ITPR2: variants seen among roughly 807,000 people sequenced by gnomAD.
ITPR2 encodes the protein inositol 1,4,5-trisphosphate receptor type 2.
In ITPR2, 207 loss-of-function variants were observed where a neutral mutation model predicts 317.1. The ratio of observed to expected loss-of-function variants is 0.65; its 90% CI spans 0.58 to 0.73. ITPR2 has a LOEUF of 0.73. Among genes scored for constraint, ITPR2 ranks in the 30% least tolerant of loss-of-function variants. The pLI is 0.00. For synonymous variants in ITPR2, 1,156 were observed against 1,149.1 expected (o/e 1.01, Z -0.12); for missense variants, 2,613 against 3,284.0 (o/e 0.80, Z 4.99).
At chr12:26,340,984 T>C (rs930670193) in intron 55 of ITPR2, among the ~76,000 whole-genome samples, 6 of 152,162 alleles carry the variant, frequency 3.9e-5, no homozygotes, top group Admixed American at 2.0e-4. Flanking sequence ...TGGGTGTATG[T>C]AGGTGTTTTG....
Position 26,654,033 on chromosome 12 carries a change from T to C in ITPR2, c.2683A>G (p.Ile895Val). The C allele has an allele frequency of 6.2e-7, 1 of 1,605,502 alleles. No homozygotes were observed. Among genetic ancestry groups the C allele is most frequent in the Non-Finnish European group, 8.5e-7 (1 of 1,176,050 alleles). ...TATGATGACATGGGGGCCTGTACAATGTCTAAAATAGCCAGAAGTGTTCTT... is the reference window on the plus strand; with the variant it reads ...TATGATGACATGGGGGCCTGTACAACGTCTAAAATAGCCAGAAGTGTTCTT... ...LTRTLLAILD[I>V]VQAPMSSYFE... The change falls in exon 21 of 57, where the codon ATT becomes GTT. Residue 895 changes from isoleucine to valine, a missense_variant. Physicochemically the swap from Ile to Val is conservative, Grantham distance 29. Around this residue, in one of 9 missense-constraint regions of ITPR2, gnomAD observed 817 missense variants for 897.6 expected, o/e 0.91. Coordinates refer to ENST00000381340, the MANE Select transcript of ITPR2 (RefSeq NM_002223.4).
At chr12:26,759,057 T>A (rs1949582658) in intron 2 of ITPR2, among the ~76,000 whole-genome samples, 1 of 152,120 alleles carries the variant, frequency 6.6e-6, no homozygotes, top group Non-Finnish European at 1.5e-5. Context: ...ATATCTCCAG[T>A]GTCTATCACA....
At chr12:26,703,250 T>A (rs756452626) in intron 9 of ITPR2, among the ~76,000 whole-genome samples, 6 of 152,192 alleles carry the variant, frequency 3.9e-5, no homozygotes, top group Non-Finnish European at 4.4e-5. Context: ...ACCATTTCTC[T>A]CAGATGTGCA....
chr12:26,598,588 A>C (rs1411576482), intron 30 of ITPR2, among the ~76,000 whole-genome samples: 3 of 152,250 alleles, frequency 2.0e-5, no homozygotes, highest in Non-Finnish European at 4.4e-5. Context: ...TAAACATGAA[A>C]AAGGCAAATA....
At chr12:26,797,499 T>C (rs1950469247) in intron 1 of ITPR2, among the ~76,000 whole-genome samples, 1 of 152,192 alleles carries the variant, frequency 6.6e-6, no homozygotes, top group African/African-American at 2.4e-5. Flanking sequence ...TTACCACATA[T>C]ATCTGATTCA....
chr12:26,378,823 T>C (rs1035080312), intron 55 of ITPR2, among the ~76,000 whole-genome samples: 2 of 152,244 alleles, frequency 1.3e-5, no homozygotes, highest in African/African-American at 2.4e-5. Context: ...GTAGGAAGTA[T>C]GCAGTTGCCA....
intron 36 of ITPR2, among the ~76,000 whole-genome samples, chr12:26,553,234 G>A (rs548070914): frequency 1.4e-4 from 22 of 152,352 alleles, no homozygotes; most frequent in Middle Eastern, 6.8e-3. Flanking sequence ...CAAGGGAGAA[G>A]TAGGTGTTGA....
intron 40 of ITPR2, 120 bp from the exon 41 acceptor site, chr12:26,486,480 G>T: frequency 1.2e-6 from 1 of 861,044 alleles, no homozygotes; most frequent in African/African-American, 1.7e-5. Flanking sequence ...TCTGACAAAA[G>T]GTGCAACAAT....
chr12:26,452,118 C>T (rs1380031803), intron 45 of ITPR2, among the ~76,000 whole-genome samples: 1 of 152,114 alleles, frequency 6.6e-6, no homozygotes. Flanking sequence ...TCCCCCTGCA[C>T]CCCACCATCT....
intron 2 of ITPR2, among the ~76,000 whole-genome samples, chr12:26,731,295 C>T (rs1186686839): frequency 1.3e-5 from 2 of 152,134 alleles, no homozygotes; most frequent in Admixed American, 6.5e-5. Flanking sequence ...ATTCTCCCTA[C>T]GTGGAGAAAG....
chr12:26,811,680 G>C (rs559549992), intron 1 of ITPR2, among the ~76,000 whole-genome samples: 1 of 119,774 alleles, frequency 8.3e-6, no homozygotes, highest in African/African-American at 3.1e-5. Flanking sequence ...GCGAGACTCT[G>C]TCTCAAAAAA....
intron 52 of ITPR2, among the ~76,000 whole-genome samples, chr12:26,401,650 G>A (rs1022695616): frequency 6.6e-6 from 1 of 152,254 alleles, no homozygotes; most frequent in Admixed American, 6.5e-5. Flanking sequence ...GATAAATTTT[G>A]GGATTATGCA....
At chr12:26,538,740 C>T (rs998791469) in intron 37 of ITPR2, among the ~76,000 whole-genome samples, 1 of 152,004 alleles carries the variant, frequency 6.6e-6, no homozygotes, top group Non-Finnish European at 1.5e-5. Flanking sequence ...CCATGCCAGG[C>T]TAATTTTTGT....
chr12:26,394,337 ACAGT>A (rs1381317273), intron 54 of ITPR2, among the ~76,000 whole-genome samples: 1 of 152,198 alleles, frequency 6.6e-6, no homozygotes. Context: ...AGAAATATGT[ACAGT>A]GCTATATAGC....
Position 26,815,954 on chromosome 12 carries a change from G to A in ITPR2, c.92+16736C>T, listed in dbSNP as rs551000047. Among the ~76,000 whole-genome samples the A allele has an allele frequency of 4.9e-4, 75 of 151,988 alleles. 1 individual carries two copies. Among genetic ancestry groups the A allele is most frequent in the African/African-American group, 1.7e-3 (69 of 41,474 alleles). On this transcript the variant is annotated intron_variant, in intron 1 of 56. Transcript: ENST00000381340. ...TAAAAATACAAAAAATTAGCCGGGC[G>A]TGGTGGCACACGCCTGTAGTCCCAG...
chr12:26,578,588 G>C, intron 34 of ITPR2, 125 bp downstream of exon 34: 1 of 805,726 alleles, frequency 1.2e-6, no homozygotes, highest in Non-Finnish European at 1.9e-6. Flanking sequence ...CTGCTCTTCA[G>C]TTTAACAGAA....
At chr12:26,808,888 A>G (rs1950683166) in intron 1 of ITPR2, among the ~76,000 whole-genome samples, 1 of 152,266 alleles carries the variant, frequency 6.6e-6, no homozygotes, top group South Asian at 2.1e-4. Flanking sequence ...CAGAAATACT[A>G]CACGCCTTTA....
At chr12:26,479,209 T>C (rs1459108592) in intron 43 of ITPR2, among the ~76,000 whole-genome samples, 1 of 151,036 alleles carries the variant, frequency 6.6e-6, no homozygotes, top group East Asian at 1.9e-4. Context: ...TTTTGACTTA[T>C]TCAACTGTCA....
intron 5 of ITPR2, among the ~76,000 whole-genome samples, chr12:26,719,671 T>C (rs910352807): frequency 6.6e-6 from 1 of 152,206 alleles, no homozygotes; most frequent in Non-Finnish European, 1.5e-5. Flanking sequence ...GTTACATATG[T>C]ATACATGTGT....
Sources: gnomAD v4.1 joint callset for allele counts (sites outside exome capture counted in the v4.1 genomes callset) on GRCh38, gnomAD v4.1.1 for gene constraint, gnomAD v4.1.1 regional missense constraint, MANE v1.5 for transcripts, NCBI Gene and HGNC (gene_info 2026-07-23, HGNC 2026-07-21) for gene names.